OPRM1: variants seen among roughly 807,000 people sequenced by gnomAD.
OPRM1 encodes the protein mu-type opioid receptor.
A neutral mutation model predicts 31.8 loss-of-function variants in OPRM1; 27 were observed. That is an observed-to-expected ratio of 0.85 (90% CI 0.63 to 1.17). The LOEUF is 1.17. Ranked by LOEUF, OPRM1 falls within the 50% of genes most tolerant of loss-of-function variation. OPRM1 has a pLI of 0.00. For missense variants in OPRM1, 536 were observed against 511.1 expected, an observed-to-expected ratio of 1.05 and a Z score of -0.47; for synonymous variants, 196 against 189.9, an observed-to-expected ratio of 1.03 and a Z score of -0.26.
intron 1 of OPRM1, among the ~76,000 whole-genome samples, chr6:154,044,300 C>A (rs145033687): frequency 6.6e-6 from 1 of 152,084 alleles, no homozygotes; most frequent in Admixed American, 6.6e-5. Context: ...TATGGAAACA[C>A]ACATACATAG....
intron 3 of OPRM1, chr6:154,213,204 A>T (rs1245359453): frequency 4.0e-6 from 1 of 251,604 alleles, no homozygotes; most frequent in East Asian, 8.9e-5. Flanking sequence ...TAATGAATTG[A>T]AACTGGCAGG....
chr6:154,039,680 G>A lies in OPRM1; in HGVS notation c.136G>A (p.Gly46Ser), dbSNP rs200277068. 2 of 1,613,974 alleles carry A rather than the reference G, an allele frequency of 1.2e-6. No homozygotes were observed. The highest frequency in any genetic ancestry group is 1.7e-5 in the Admixed American group (1 of 60,028). ...AGATGGCAACCTGTCCGACCCATGC[G>A]GTCCGAACCGCACCGACCTGGGCGG... ...HLDGNLSDPC[G>S]PNRTDLGGRD... Residue 46 changes from glycine to serine, a missense_variant, in exon 1 of 4, where the codon GGT (glycine) becomes AGT (serine). By Grantham distance (56) the Gly-to-Ser change is moderately conservative. Transcript: ENST00000330432.
intron 3 of OPRM1, chr6:154,094,393 C>A: frequency 2.4e-6 from 1 of 418,724 alleles, no homozygotes; most frequent in Admixed American, 2.8e-5. Context: ...TTAAGAGCTG[C>A]TCAGTCAGCT....
intron 3 of OPRM1, among the ~76,000 whole-genome samples, chr6:154,245,478 C>T (rs374452619): frequency 2.6e-4 from 39 of 152,058 alleles, no homozygotes; most frequent in African/African-American, 8.0e-4. Flanking sequence ...ATGTGAGCAA[C>T]GAAAATTGAT....
chr6:154,197,829 G>T (rs916777757), intron 3 of OPRM1, among the ~76,000 whole-genome samples: 2 of 152,116 alleles, frequency 1.3e-5, no homozygotes, highest in Non-Finnish European at 2.9e-5. Flanking sequence ...CCTGGGGGGT[G>T]TGTGTGTGTG....
At chr6:154,150,409 C>T (rs1798468485) in intron 3 of OPRM1, among the ~76,000 whole-genome samples, 1 of 152,206 alleles carries the variant, frequency 6.6e-6, no homozygotes, top group Non-Finnish European at 1.5e-5. Context: ...TGTATAAGTG[C>T]CTTCGTCCTT....
At chr6:154,221,705 C>A (rs1778876040) in intron 3 of OPRM1, among the ~76,000 whole-genome samples, 2 of 152,020 alleles carry the variant, frequency 1.3e-5, no homozygotes, top group African/African-American at 4.8e-5. Context: ...AACCCCGTCT[C>A]TACTAAATAT....
chr6:154,107,784 G>A lies in OPRM1; in HGVS notation c.1165-10899G>A, dbSNP rs757011967. On this transcript the variant is annotated intron_variant, in intron 3 of 3. Coordinates refer to ENST00000330432, the MANE Select transcript of OPRM1 (RefSeq NM_000914.5). ...CAAGTTTGTTGCTGACCAACTTGCC[G>A]GGTCGTCTTGAAAAGGGGGCTTACA... The A allele has an allele frequency of 3.3e-5, 24 of 717,994 alleles. No individual in the cohort carries two copies. The Middle Eastern group carries it at 6.9e-4, about 21-fold the overall frequency. 44.5% of individuals were successfully genotyped at this position (717,994 alleles called of 1,614,324 possible).
At chr6:154,215,887 A>T (rs1044034256) in intron 3 of OPRM1, among the ~76,000 whole-genome samples, 1 of 152,212 alleles carries the variant, frequency 6.6e-6, no homozygotes, top group Admixed American at 6.5e-5. Flanking sequence ...TCTCAGCCTC[A>T]ATAGTATTTT....
At chr6:154,171,931 G>C (rs999831537) in intron 3 of OPRM1, among the ~76,000 whole-genome samples, 1 of 152,170 alleles carries the variant, frequency 6.6e-6, no homozygotes, top group African/African-American at 2.4e-5. Context: ...CAATACCACA[G>C]TATTTTTGAA....
chr6:154,026,623 G>T (rs1016411326), intron 1 of OPRM1, among the ~76,000 whole-genome samples: 1 of 151,890 alleles, frequency 6.6e-6, no homozygotes, highest in Non-Finnish European at 1.5e-5. Context: ...GTGCTTCTTT[G>T]TTTCATTGTT....
intron 1 of OPRM1, among the ~76,000 whole-genome samples, chr6:154,081,078 C>T (rs1055801566): frequency 6.6e-6 from 1 of 152,134 alleles, no homozygotes; most frequent in Non-Finnish European, 1.5e-5. Flanking sequence ...AGTATTGTCT[C>T]TGAGAAACCA....
At chr6:154,084,883 A>T (rs565973546) in intron 1 of OPRM1, among the ~76,000 whole-genome samples, 218 of 151,594 alleles carry the variant, frequency 1.4e-3, no homozygotes, top group African/African-American at 5.1e-3. Flanking sequence ...TGAAAAAGGT[A>T]GTTGAGCAAT....
chr6:154,085,789 A>G (rs1329476252), intron 1 of OPRM1, among the ~76,000 whole-genome samples: 1 of 151,278 alleles, frequency 6.6e-6, no homozygotes, highest in Non-Finnish European at 1.5e-5. Flanking sequence ...TCTGAGTCCT[A>G]TGCTCCTGTG....
chr6:154,145,778 TAG>T (rs1446505183), intron 3 of OPRM1, among the ~76,000 whole-genome samples: 1 of 152,242 alleles, frequency 6.6e-6, no homozygotes, highest in Non-Finnish European at 1.5e-5. Context: ...GACAGAGGGA[TAG>T]AGACATGGAT....
chr6:154,244,271 T>C (rs1263638346), intron 3 of OPRM1, among the ~76,000 whole-genome samples: 1 of 150,086 alleles, frequency 6.7e-6, no homozygotes, highest in Non-Finnish European at 1.5e-5. Flanking sequence ...ACAGTAAACA[T>C]ATAATTAAGA....
intron 1 of OPRM1, among the ~76,000 whole-genome samples, chr6:154,055,669 C>T (rs939928073): frequency 1.3e-5 from 2 of 152,234 alleles, no homozygotes; most frequent in African/African-American, 4.8e-5. Flanking sequence ...ACTCCTTCTA[C>T]ATGCACTGGG....
intron 3 of OPRM1, among the ~76,000 whole-genome samples, chr6:154,211,857 T>G (rs1777990598): frequency 6.6e-6 from 1 of 151,872 alleles, no homozygotes; most frequent in Non-Finnish European, 1.5e-5. Context: ...GAATAATAAA[T>G]TAAGAAATCC....
chr6:154,105,433 A>C (rs975641647), intron 3 of OPRM1, among the ~76,000 whole-genome samples: 2 of 152,336 alleles, frequency 1.3e-5, no homozygotes, highest in East Asian at 1.9e-4. Context: ...CCATGTCTTC[A>C]TGAGTTCTGA....
Sources: allele counts gnomAD v4.1 joint callset (sites outside exome capture counted in the v4.1 genomes callset), GRCh38; gene constraint gnomAD v4.1.1; transcripts MANE v1.5; gene names NCBI Gene and HGNC (gene_info 2026-07-23, HGNC 2026-07-21).